OR3A2: variants seen among roughly 807,000 people sequenced by gnomAD.
The protein encoded by OR3A2 is olfactory receptor family 3 subfamily A member 2.
For missense variants in OR3A2, 318 were observed against 392.8 expected, an observed-to-expected ratio of 0.81 and a Z score of 1.61; for synonymous variants, 126 against 159.3, an observed-to-expected ratio of 0.79 and a Z score of 1.57.
chr17:3,328,713 T>G (rs2049199391), intron 3 of OR3A2, among the ~76,000 whole-genome samples: 1 of 98,824 alleles, frequency 1.0e-5, no homozygotes, highest in Admixed American at 1.0e-4. Flanking sequence ...ATAGCTCTTA[T>G]TATTTTGAAA....
intron 2 of OR3A2, among the ~76,000 whole-genome samples, chr17:3,341,604 T>C (rs1043186147): frequency 3.3e-5 from 5 of 151,896 alleles, no homozygotes; most frequent in South Asian, 2.1e-4. Context: ...CACTCTCTTC[T>C]GGCTTGTAGA....
At chr17:3,309,680 G>A (rs2049025115) in intron 3 of OR3A2, among the ~76,000 whole-genome samples, 2 of 152,180 alleles carry the variant, frequency 1.3e-5, no homozygotes, top group South Asian at 4.1e-4. Context: ...CAGCTATGGA[G>A]CTGGAAATGT....
At chr17:3,294,800 C>T (rs189194784) in intron 3 of OR3A2, among the ~76,000 whole-genome samples, 3 of 152,132 alleles carry the variant, frequency 2.0e-5, no homozygotes, top group Non-Finnish European at 2.9e-5. Context: ...CTGCAGTCTC[C>T]GGGGGAAGAA....
rs1249294608 is a variant in OR3A2, at chr17:3,319,001, ACTCC to A, written c.-85+17028_-85+17031del. Among the ~76,000 whole-genome samples the A allele has an allele frequency of 4.6e-5, 7 of 151,738 alleles. No individual in the cohort carries two copies. The East Asian group carries it at 9.7e-4, about 21-fold the overall frequency. ...TATAGCTTTAAATGTAAACAAAACA[ACTCC>A]CTCCATTTTCAAGTATGTCTTAAAC... On this transcript the variant is annotated intron_variant, in intron 3 of 4. Transcript: ENST00000573491.
chr17:3,328,165 G>T (rs1013036610), intron 3 of OR3A2, among the ~76,000 whole-genome samples: 1 of 137,238 alleles, frequency 7.3e-6, no homozygotes, highest in Non-Finnish European at 1.5e-5. Context: ...CCATTTTCAC[G>T]ATATTGATTC....
At chr17:3,279,034 T>C in intron 1 of OR3A2, 42 bp downstream of exon 4, 1 of 1,525,816 alleles carries the variant, frequency 6.6e-7, no homozygotes, top group South Asian at 1.3e-5. Flanking sequence ...CCCCAGGCCA[T>C]CCCTCACTCG....
chr17:3,341,276 A>AATG (rs2049316186), intron 2 of OR3A2, among the ~76,000 whole-genome samples: 1 of 151,860 alleles, frequency 6.6e-6, no homozygotes. Flanking sequence ...ATTTAAGGTT[A>AATG]ATGTTATGTG....
At chr17:3,308,568 A>G (rs2049015756) in intron 3 of OR3A2, among the ~76,000 whole-genome samples, 1 of 152,186 alleles carries the variant, frequency 6.6e-6, no homozygotes, top group Non-Finnish European at 1.5e-5. Context: ...TAAGCTTTCA[A>G]GCGCTACTCA....
chr17:3,289,655 CAG>C (rs1367912372), intron 3 of OR3A2, among the ~76,000 whole-genome samples: 9 of 152,214 alleles, frequency 5.9e-5, no homozygotes, highest in African/African-American at 2.2e-4. Flanking sequence ...CTAACAGACT[CAG>C]AGAAATCTCG....
At chr17:3,320,817 C>A (rs1488803748) in intron 3 of OR3A2, among the ~76,000 whole-genome samples, 1 of 152,042 alleles carries the variant, frequency 6.6e-6, no homozygotes, top group African/African-American at 2.4e-5. Context: ...TAGTGTGATG[C>A]CTCCAGCTTT....
At chr17:3,349,808 A>G (rs1020206193) in intron 2 of OR3A2, among the ~76,000 whole-genome samples, 1 of 152,098 alleles carries the variant, frequency 6.6e-6, no homozygotes, top group African/African-American at 2.4e-5. Context: ...CAAATGTAAA[A>G]GAACAGAAAT....
At chr17:3,340,410 T>C (rs1489416713) in intron 2 of OR3A2, among the ~76,000 whole-genome samples, 1 of 152,204 alleles carries the variant, frequency 6.6e-6, no homozygotes, top group East Asian at 1.9e-4. Flanking sequence ...CACTTAGTGC[T>C]ATAAATTTCC....
exon 2 of OR3A2, chr17:3,278,339 G>A (rs202057099): frequency 1.1e-5 from 18 of 1,614,222 alleles, no homozygotes; most frequent in African/African-American, 5.3e-5. Context: ...GTTGGGTGCT[G>A]GAGCAGGAGA....
At chr17:3,385,058 G>A (rs945295042) in intron 1 of OR3A2, among the ~76,000 whole-genome samples, 1 of 152,150 alleles carries the variant, frequency 6.6e-6, no homozygotes, top group Non-Finnish European at 1.5e-5. Context: ...GCCGGGCGTG[G>A]TGGCGCATGC....
intron 2 of OR3A2, among the ~76,000 whole-genome samples, chr17:3,353,558 G>T (rs1000692762): frequency 6.6e-6 from 1 of 151,770 alleles, no homozygotes; most frequent in Non-Finnish European, 1.5e-5. Context: ...CCAGGTTTTT[G>T]AGGGTTTTTA....
rs999145006 is a variant in OR3A2 at position 3,327,981 on chromosome 17, C to T, written c.-85+8052G>A. ...GTAGCCTTGTAGTATAGTTTGAAGT[C>T]AGGTAGTGTGATGCCTCCAGCTTTG... On this transcript the variant is annotated intron_variant, in intron 3 of 4. Coordinates refer to the OR3A2 transcript ENST00000573491. Among the ~76,000 whole-genome samples, 493 of 131,192 alleles carry T rather than the reference C, an allele frequency of 3.8e-3. 24 individuals are homozygous for T. Among genetic ancestry groups the T allele is most frequent in the African/African-American group, 0.015 (467 of 31,760 alleles). 86.1% of individuals were successfully genotyped at this position (131,192 alleles called of 152,430 possible).
At chr17:3,320,792 T>C (rs561177532) in intron 3 of OR3A2, among the ~76,000 whole-genome samples, 2 of 152,128 alleles carry the variant, frequency 1.3e-5, no homozygotes, top group Admixed American at 1.3e-4. Context: ...CCTTGCAGTA[T>C]AGTTGGAAGT....
chr17:3,370,566 G>A (rs181557561), intron 2 of OR3A2, among the ~76,000 whole-genome samples: 3 of 151,288 alleles, frequency 2.0e-5, no homozygotes, highest in African/African-American at 7.3e-5. Context: ...GCTGGGTTTG[G>A]GTTTCGTTTG....
rs117449946 is a variant in OR3A2, at chr17:3,357,435, G to A, written c.-178-21309C>T. The stretch of plus-strand genomic sequence containing the variant: ...CAGATGAAATATTAAGAACATCTTA[G>A]AACATCAAAGGATAAGCTGCACACA... On this transcript the variant is annotated intron_variant, in intron 2 of 4. Coordinates refer to the OR3A2 transcript ENST00000573491. 9.4e-4 allele frequency among the ~76,000 whole-genome samples: 142 copies of A among 151,736 alleles called. No homozygotes were observed. In the East Asian group the frequency reaches 0.018, roughly 19 times the overall value.
Sources: allele counts gnomAD v4.1 joint callset (sites outside exome capture counted in the v4.1 genomes callset), GRCh38; gene constraint gnomAD v4.1.1; transcripts MANE v1.5; gene names NCBI Gene and HGNC (gene_info 2026-07-23, HGNC 2026-07-21).